The following SLC13A1 variants were observed in gnomAD, a reference collection of about 807,000 sequenced individuals.
SLC13A1 encodes the protein Na(+)/sulfate cotransporter.
A neutral mutation model predicts 70.0 loss-of-function variants in SLC13A1; 65 were observed. That is an observed-to-expected ratio of 0.93 (90% CI 0.76 to 1.14). The LOEUF (loss-of-function observed/expected upper bound fraction) is 1.14. SLC13A1 is among the 50% of genes most tolerant of loss of function. The pLI, the probability that SLC13A1 is intolerant of heterozygous loss-of-function variation, is 0.00. For synonymous variants in SLC13A1, 275 were observed against 250.5 expected (o/e 1.10, Z -0.92); for missense variants, 726 against 717.8 (o/e 1.01, Z -0.13).
chr7:123,199,825 G>C, intron 1 of SLC13A1, 23 bp downstream of exon 1: 3 of 1,532,994 alleles, frequency 2.0e-6, no homozygotes, highest in Non-Finnish European at 2.7e-6. Flanking sequence ...AAATCCACCA[G>C]TCTGTTCTCC....
intron 6 of SLC13A1, chr7:123,149,356 T>C (rs116041282): frequency 5.3e-6 from 2 of 378,270 alleles, no homozygotes; most frequent in African/African-American, 4.2e-5. Context: ...TTCAAGAATG[T>C]GTCAAACACT....
chr7:123,114,803 G>A lies in SLC13A1; in HGVS notation c.*715C>T, dbSNP rs183006931. On this transcript the variant is annotated 3_prime_UTR_variant, in exon 15 of 15. Coordinates refer to ENST00000194130, the MANE Select transcript of SLC13A1 (RefSeq NM_022444.4). ...AGCTCTACAAAATGAATTTCTCAGT[G>A]TGCCAATATCATAAAAATATGAATT... is the stretch of plus-strand genomic sequence containing the variant. 1.3e-5 allele frequency: 2 copies of A among 152,216 alleles called. No individual in the cohort carries two copies. The highest frequency in any genetic ancestry group is 2.4e-5 in the African/African-American group (1 of 41,546). 9.4% of individuals were successfully genotyped at this position (152,216 alleles called of 1,614,324 possible). A position where few individuals can be genotyped will look rare whatever the true frequency, so the allele number is the denominator to read the frequency against.
chr7:123,121,083 G>A (rs962513072), intron 12 of SLC13A1, among the ~76,000 whole-genome samples: 15 of 151,632 alleles, frequency 9.9e-5, no homozygotes, highest in Admixed American at 2.0e-4. Context: ...GTTGACTGTT[G>A]AACATTTTGG....
intron 6 of SLC13A1, among the ~76,000 whole-genome samples, chr7:123,156,331 G>A (rs10215535): frequency 2.6e-5 from 4 of 151,970 alleles, no homozygotes; most frequent in African/African-American, 9.7e-5. Context: ...TAACAAATGG[G>A]CCTATTTAAC....
chr7:123,115,353 T>C lies in SLC13A1; in HGVS notation c.*165A>G, dbSNP rs1206689177. On this transcript the variant is annotated 3_prime_UTR_variant, in exon 15 of 15. Coordinates refer to ENST00000194130, the MANE Select transcript of SLC13A1 (RefSeq NM_022444.4). ...TTTAGTTGCACTGCAATAACAAATATGGACTCTGAGTTATAACAGCAGGTT... is the reference window on the plus strand; with the variant it reads ...TTTAGTTGCACTGCAATAACAAATACGGACTCTGAGTTATAACAGCAGGTT... 1.7e-5 allele frequency: 10 copies of C among 585,928 alleles called. No individual in the cohort carries two copies. Among genetic ancestry groups the C allele is most frequent in the East Asian group, 3.0e-5 (1 of 33,336 alleles). 36.3% of individuals were successfully genotyped at this position (585,928 alleles called of 1,614,324 possible).
rs532546334 is a variant in SLC13A1 at position 123,121,779 on chromosome 7, G to C, written c.1350+1347C>G. On this transcript the variant is annotated intron_variant, in intron 12 of 14. Coordinates refer to ENST00000194130, the MANE Select transcript of SLC13A1 (RefSeq NM_022444.4). Reference sequence around the variant, plus strand: ...TGTTTCACTGTTCTGTTCCCAACTAGAAAGAGTATCTGGTTCTGGACACTT... The same window carrying C: ...TGTTTCACTGTTCTGTTCCCAACTACAAAGAGTATCTGGTTCTGGACACTT... Among the ~76,000 whole-genome samples, 8 of 152,230 alleles carry C rather than the reference G, an allele frequency of 5.3e-5. No homozygotes were observed. The East Asian group carries it at 1.5e-3, about 29-fold the overall frequency.
intron 8 of SLC13A1, 48 bp from the exon 9 acceptor site, chr7:123,129,529 C>T (rs566230525): frequency 3.6e-6 from 5 of 1,371,894 alleles, no homozygotes; most frequent in Non-Finnish European, 5.2e-6. Flanking sequence ...TTTACTACCA[C>T]CTCCCTGTAA....
At chr7:123,124,000 A>G (rs971758698) in intron 11 of SLC13A1, among the ~76,000 whole-genome samples, 2 of 152,136 alleles carry the variant, frequency 1.3e-5, no homozygotes, top group African/African-American at 4.8e-5. Context: ...ACCCATCCTC[A>G]CTGATAACTG....
chr7:123,120,952 T>C (rs1793357125), intron 12 of SLC13A1, among the ~76,000 whole-genome samples: 3 of 152,082 alleles, frequency 2.0e-5, no homozygotes, highest in Admixed American at 6.6e-5. Context: ...TGGTATTGGG[T>C]ACTCAGTAGC....
intron 6 of SLC13A1, among the ~76,000 whole-genome samples, chr7:123,164,966 A>G (rs901852941): frequency 3.3e-5 from 5 of 152,054 alleles, no homozygotes; most frequent in South Asian, 2.1e-4. Context: ...TTTTAATTCA[A>G]TAGAATATCC....
In SLC13A1 at chr7:123,171,758, C is replaced by G. The variant is rs1353068811; in HGVS notation, c.365+10G>C. 4 of 1,613,198 alleles carry G rather than the reference C, an allele frequency of 2.5e-6. No individual in the cohort carries two copies. In the East Asian group the frequency reaches 8.9e-5, roughly 36 times the overall value. ...GCAGGTAAACTGGAAGCAGTAAATG[C>G]AGTACTTACCATGCAGGATTTACAC... is the stretch of plus-strand genomic sequence containing the variant. On this transcript the variant is annotated intron_variant, in intron 3 of 14. Transcript: ENST00000194130.
intron 7 of SLC13A1, among the ~76,000 whole-genome samples, chr7:123,142,825 G>A (rs1794205067): frequency 6.6e-6 from 1 of 151,780 alleles, no homozygotes; most frequent in African/African-American, 2.4e-5. Context: ...CACTATGTTG[G>A]CCAGGCTGGT....
intron 7 of SLC13A1, among the ~76,000 whole-genome samples, chr7:123,136,951 T>C (rs1391444128): frequency 1.3e-5 from 2 of 152,078 alleles, no homozygotes; most frequent in South Asian, 2.1e-4. Flanking sequence ...TGTGGAGAGA[T>C]AGGAGGCCAC....
At chr7:123,176,636 T>C (rs1318830309) in intron 2 of SLC13A1, among the ~76,000 whole-genome samples, 1 of 152,196 alleles carries the variant, frequency 6.6e-6, no homozygotes, top group Non-Finnish European at 1.5e-5. Context: ...TAAAAGGTGC[T>C]TTGTTAGTTA....
At chr7:123,146,602 T>C (rs777755244) in intron 7 of SLC13A1, among the ~76,000 whole-genome samples, 5 of 152,194 alleles carry the variant, frequency 3.3e-5, no homozygotes, top group Non-Finnish European at 7.3e-5. Context: ...ACCTGTTGAA[T>C]CCACAGATTC....
At chr7:123,186,937 A>T (rs1374735401) in intron 1 of SLC13A1, among the ~76,000 whole-genome samples, 11 of 149,656 alleles carry the variant, frequency 7.4e-5, no homozygotes, top group Admixed American at 1.3e-4. Flanking sequence ...TTTTTTTTTT[A>T]AATCATGATT....
chr7:123,129,346 G>C lies in SLC13A1; in HGVS notation c.1031+37C>G, dbSNP rs762106252. ...TCTCTGTGTGTGTGTGTGTGTGTGT[G>C]TGTGTGTGTGTGTGTGTGTGTGTGT... On this transcript the variant is annotated intron_variant, in intron 9 of 14. Coordinates refer to ENST00000194130, the MANE Select transcript of SLC13A1 (RefSeq NM_022444.4). 8.2e-4 allele frequency: 777 copies of C among 946,254 alleles called. 20 individuals are homozygous for C. The highest frequency in any genetic ancestry group is 2.9e-3 in the East Asian group (107 of 36,974). The allele number at this position is 946,254 out of a possible 1,614,324, so 58.6% of individuals were successfully genotyped here.
At chr7:123,168,073 A>G (rs1304877180) in intron 6 of SLC13A1, among the ~76,000 whole-genome samples, 1 of 152,170 alleles carries the variant, frequency 6.6e-6, no homozygotes, top group Non-Finnish European at 1.5e-5. Flanking sequence ...AAATGAAGCA[A>G]TATTCTGAGA....
In SLC13A1 at chr7:123,168,093, T is replaced by C. The variant is rs565356135; in HGVS notation, c.660+281A>G. On this transcript the variant is annotated intron_variant, in intron 6 of 14. Transcript: ENST00000194130. ...AAGCAATATTCTGAGACTGGAATTA[T>C]ATTTCTTTAAACTACCTTGGCTAAC... is the stretch of plus-strand genomic sequence containing the variant. Among the ~76,000 whole-genome samples the C allele has an allele frequency of 3.9e-5, 6 of 152,306 alleles. 1 individual carries two copies. The highest frequency in any genetic ancestry group is 3.9e-4 in the Admixed American group (6 of 15,294).
Sources: allele counts gnomAD v4.1 joint callset (sites outside exome capture counted in the v4.1 genomes callset), GRCh38; gene constraint gnomAD v4.1.1; transcripts MANE v1.5; gene names NCBI Gene and HGNC (gene_info 2026-07-23, HGNC 2026-07-21).